Variants in DLGAP2 observed in about 807,000 individuals in gnomAD.
The protein encoded by DLGAP2 is disks large-associated protein 2.
In DLGAP2, 26 loss-of-function variants were observed where a neutral mutation model predicts 100.3. The observed-to-expected ratio is 0.26, with a 90% confidence interval of 0.19 to 0.36. The LOEUF (loss-of-function observed/expected upper bound fraction) is 0.36, where lower values mean the gene tolerates loss of function less well. Ranked by LOEUF, DLGAP2 falls within the 10% of genes least tolerant of loss-of-function variation. DLGAP2 has a pLI of 1.00. For missense variants in DLGAP2, 1,858 were observed against 1,453.2 expected (o/e 1.28, Z -4.53); for synonymous variants, 886 against 630.1 (o/e 1.41, Z -6.08).
At chr8:1,587,863 T>C (rs1208049531) in intron 6 of DLGAP2, among the ~76,000 whole-genome samples, 3 of 152,154 alleles carry the variant, frequency 2.0e-5, no homozygotes, top group Admixed American at 6.5e-5. Flanking sequence ...TTATATGAAG[T>C]CTTAACTTTC....
intron 6 of DLGAP2, among the ~76,000 whole-genome samples, chr8:1,584,117 T>C (rs1324216674): frequency 6.6e-6 from 1 of 152,148 alleles, no homozygotes; most frequent in African/African-American, 2.4e-5. Flanking sequence ...TCATTGCCAT[T>C]GCGCCTTCAC....
chr8:1,270,967 G>A (rs569719036), intron 3 of DLGAP2, among the ~76,000 whole-genome samples: 1 of 152,216 alleles, frequency 6.6e-6, no homozygotes, highest in South Asian at 2.1e-4. Flanking sequence ...ATTGTTAGAC[G>A]TGTTGCAAAA....
chr8:952,027 C>G (rs1278784775), intron 2 of DLGAP2, among the ~76,000 whole-genome samples: 1 of 152,234 alleles, frequency 6.6e-6, no homozygotes, highest in African/African-American at 2.4e-5. Context: ...GGAGTGCCCT[C>G]TCCCAGTGGG....
At chr8:1,448,158 A>T (rs1798033641) in intron 3 of DLGAP2, among the ~76,000 whole-genome samples, 1 of 151,888 alleles carries the variant, frequency 6.6e-6, no homozygotes, top group Admixed American at 6.6e-5. Flanking sequence ...TTGCTTTTCT[A>T]GTTGTTTTAA....
chr8:1,690,328 C>T (rs1799226010), intron 12 of DLGAP2, among the ~76,000 whole-genome samples: 2 of 151,550 alleles, frequency 1.3e-5, no homozygotes, highest in South Asian at 4.2e-4. Flanking sequence ...TGCAGTCCAG[C>T]CTAGGTGACA....
At chr8:1,153,521 A>G (rs1020374931) in intron 2 of DLGAP2, among the ~76,000 whole-genome samples, 49 of 152,004 alleles carry the variant, frequency 3.2e-4, no homozygotes, top group Middle Eastern at 3.2e-3. Flanking sequence ...CATTCTACCA[A>G]TGTTGATGTA....
At chr8:922,249 A>C (rs1798730534) in intron 2 of DLGAP2, among the ~76,000 whole-genome samples, 1 of 152,222 alleles carries the variant, frequency 6.6e-6, no homozygotes, top group Admixed American at 6.5e-5. Flanking sequence ...CTAACCCATT[A>C]ACCGTATCTC....
intron 3 of DLGAP2, among the ~76,000 whole-genome samples, chr8:1,495,695 T>TGGTGAAACCCCATCTCTACTAAAAA (rs1799523808): frequency 6.6e-6 from 1 of 151,778 alleles, no homozygotes; most frequent in Non-Finnish European, 1.5e-5. Context: ...AGGATGCAGA[T>TGGTGAAACCCCATCTCTACTAAAAA]TGCAGACGCT....
intron 3 of DLGAP2, among the ~76,000 whole-genome samples, chr8:1,418,738 C>A (rs1430629733): frequency 6.6e-6 from 1 of 152,160 alleles, no homozygotes; most frequent in African/African-American, 2.4e-5. Context: ...ACTACCAGGA[C>A]ACCAACTGGG....
At chr8:1,193,494 G>C (rs1823668) in intron 2 of DLGAP2, among the ~76,000 whole-genome samples, 5 of 152,010 alleles carry the variant, frequency 3.3e-5, no homozygotes, top group Non-Finnish European at 7.4e-5. Context: ...TCTGGTTTCT[G>C]TCACTTAGCA....
chr8:1,362,835 T>A (rs937445273), intron 3 of DLGAP2, among the ~76,000 whole-genome samples: 1 of 152,194 alleles, frequency 6.6e-6, no homozygotes, highest in African/African-American at 2.4e-5. Context: ...CTTCTCCTGG[T>A]GAATTTTGTT....
chr8:1,031,469 T>G (rs1801970602), intron 2 of DLGAP2, among the ~76,000 whole-genome samples: 1 of 152,092 alleles, frequency 6.6e-6, no homozygotes, highest in African/African-American at 2.4e-5. Flanking sequence ...TGTGGTGCAG[T>G]GGTACAATCA....
chr8:1,698,669 TCAGTGTAAG>T (rs1433659773), intron 14 of DLGAP2, among the ~76,000 whole-genome samples: 137 of 148,868 alleles, frequency 9.2e-4, no homozygotes, highest in South Asian at 2.1e-3. Flanking sequence ...GTGGGACAGG[TCAGTGTAAG>T]CCATGCATGG....
chr8:885,998 T>A (rs1193104728), intron 1 of DLGAP2, among the ~76,000 whole-genome samples: 2 of 152,228 alleles, frequency 1.3e-5, no homozygotes, highest in Admixed American at 6.5e-5. Context: ...TTTGTATTTC[T>A]GGTAGAATTC....
chr8:1,373,781 C>T (rs1426734524), intron 3 of DLGAP2: 1 of 152,224 alleles, frequency 6.6e-6, no homozygotes, highest in Non-Finnish European at 1.5e-5. Context: ...ACAAACGTAG[C>T]CTGCAAGGAA....
chr8:1,540,050 C>G, intron 4 of DLGAP2, among the ~76,000 whole-genome samples: 1 of 152,194 alleles, frequency 6.6e-6, no homozygotes, highest in East Asian at 1.9e-4. Flanking sequence ...CTCTTGCCTG[C>G]TCTCCCTGTG....
chr8:820,741 C>G (rs1796568873), intron 1 of DLGAP2, among the ~76,000 whole-genome samples: 1 of 152,136 alleles, frequency 6.6e-6, no homozygotes, highest in Non-Finnish European at 1.5e-5. Flanking sequence ...TGCATAAACT[C>G]ACATAATGAG....
chr8:895,235 C>T (rs1172859879), intron 1 of DLGAP2, among the ~76,000 whole-genome samples: 1 of 152,076 alleles, frequency 6.6e-6, no homozygotes, highest in Non-Finnish European at 1.5e-5. Context: ...TCAATTTGGT[C>T]ATTCCACAAT....
At chr8:1,419,321 ACGTG>A (rs1797028028) in intron 3 of DLGAP2, among the ~76,000 whole-genome samples, 1 of 87,620 alleles carries the variant, frequency 1.1e-5, no homozygotes, top group Non-Finnish European at 2.2e-5. Context: ...ACACTCTGAT[ACGTG>A]TGTGTGTGTG....
Sources: gnomAD v4.1 joint callset for allele counts (sites outside exome capture counted in the v4.1 genomes callset) on GRCh38, gnomAD v4.1.1 for gene constraint, MANE v1.5 for transcripts, NCBI Gene and HGNC (gene_info 2026-07-23, HGNC 2026-07-21) for gene names.